Variants in COL24A1 observed in about 807,000 individuals in gnomAD.
COL24A1 encodes collagen alpha-1(XXIV) chain.
Under a neutral mutation model 253.9 loss-of-function variants are expected in COL24A1, and 224 were observed. The observed-to-expected ratio is 0.88, with a 90% CI of 0.79 to 0.99. The LOEUF (loss-of-function observed/expected upper bound fraction) is 0.99. Among genes scored for constraint, COL24A1 ranks in the 50% least tolerant of loss-of-function variants. The pLI is 0.00. For synonymous variants in COL24A1, 685 were observed against 673.7 expected, an observed-to-expected ratio of 1.02 and a Z score of -0.26; for missense variants, 2,131 against 2,068.5, an observed-to-expected ratio of 1.03 and a Z score of -0.59.
At chr1:85,878,102 C>T (rs1346448330) in intron 32 of COL24A1, among the ~76,000 whole-genome samples, 2 of 151,992 alleles carry the variant, frequency 1.3e-5, no homozygotes, top group Non-Finnish European at 2.9e-5. Flanking sequence ...ATGGATATAC[C>T]ACAGTTTGTT....
At chr1:85,856,772 T>G (rs1678483351) in intron 37 of COL24A1, among the ~76,000 whole-genome samples, 1 of 152,198 alleles carries the variant, frequency 6.6e-6, no homozygotes, top group Admixed American at 6.5e-5. Flanking sequence ...GGAGTTTGCC[T>G]GTTCAGCCTC....
intron 53 of COL24A1, among the ~76,000 whole-genome samples, chr1:85,774,726 A>T (rs1023830834): frequency 3.3e-5 from 5 of 152,036 alleles, no homozygotes; most frequent in Admixed American, 3.3e-4. Context: ...TATTCCCTTT[A>T]TCATTTTTTA....
At chr1:85,838,401 A>G (rs1233995743) in intron 43 of COL24A1, among the ~76,000 whole-genome samples, 184 bp downstream of exon 43, 3 of 152,148 alleles carry the variant, frequency 2.0e-5, no homozygotes, top group Non-Finnish European at 4.4e-5. Context: ...TGATGAGAAA[A>G]AGCAGAAGTA....
rs569544178 is a variant in COL24A1 at position 86,146,140 on chromosome 1, C to G, written c.100G>C (p.Val34Leu). The G allele has an allele frequency of 3.7e-6, 6 of 1,611,128 alleles. No homozygotes were observed. In the South Asian group the frequency reaches 6.6e-5, roughly 18 times the overall value. The change falls in exon 2 of 60, where the codon GTT becomes CTT. Residue 34 changes from valine (V) to leucine (L), a missense_variant. Val to Leu is a conservative substitution (Grantham distance 32). Coordinates refer to ENST00000370571, the MANE Select transcript of COL24A1 (RefSeq NM_152890.7). ...HFIVLCVAGV[V>L]VHAQEQGIDI... ...TTACCTTGTTCTTGTGCATGAACAACCACCCCAGCCACACATAGTACAATA... is the reference window on the plus strand; with the variant it reads ...TTACCTTGTTCTTGTGCATGAACAAGCACCCCAGCCACACATAGTACAATA...
chr1:86,041,817 T>C (rs1699510992), intron 12 of COL24A1, among the ~76,000 whole-genome samples: 1 of 152,140 alleles, frequency 6.6e-6, no homozygotes, highest in Non-Finnish European at 1.5e-5. Flanking sequence ...TAAAGGCTCC[T>C]GACCAATAAA....
intron 45 of COL24A1, among the ~76,000 whole-genome samples, chr1:85,818,835 T>C (rs1391642462): frequency 6.6e-6 from 1 of 152,190 alleles, no homozygotes; most frequent in Non-Finnish European, 1.5e-5. Flanking sequence ...TTCTCAGAAA[T>C]CATCAGAAGT....
chr1:86,125,865 A>T lies in COL24A1; in HGVS notation c.471T>A (p.Ser157Arg), dbSNP rs756498314. Residue 157 changes from serine to arginine, a missense_variant, in exon 3 of 60, where the codon AGT becomes AGA. Physicochemically the swap from Ser to Arg is moderately radical, Grantham distance 110. Coordinates refer to ENST00000370571, the MANE Select transcript of COL24A1 (RefSeq NM_152890.7). ...ATGAGTGCCATTGCTCATCATGAACACTGTAGTTGAAAACTGCAGGCTGCT... is the reference window on the plus strand; with the variant it reads ...ATGAGTGCCATTGCTCATCATGAACTCTGTAGTTGAAAACTGCAGGCTGCT... ...RGKQPAVFNYSVHDEQWHSFA... is the reference protein window; with the variant it reads ...RGKQPAVFNYRVHDEQWHSFA... 6 of 1,613,296 alleles carry T rather than the reference A, an allele frequency of 3.7e-6. No homozygotes were observed. The South Asian group carries it at 4.4e-5, about 12-fold the overall frequency.
intron 59 of COL24A1, among the ~76,000 whole-genome samples, chr1:85,732,771 T>G (rs1570374056): frequency 6.6e-6 from 1 of 152,336 alleles, no homozygotes; most frequent in Admixed American, 6.5e-5. Context: ...ACCAATAATA[T>G]ATTCTTTACA....
At chr1:86,138,937 G>T (rs1431547572) in intron 2 of COL24A1, among the ~76,000 whole-genome samples, 2 of 150,460 alleles carry the variant, frequency 1.3e-5, no homozygotes, top group Non-Finnish European at 3.0e-5. Context: ...AGTTCAAGTG[G>T]TTACCTCCCC....
intron 3 of COL24A1, 38 bp from the exon 4 acceptor site, chr1:86,115,416 G>A: frequency 6.3e-7 from 1 of 1,575,334 alleles, no homozygotes; most frequent in Non-Finnish European, 8.7e-7. Context: ...GCATGATAGT[G>A]GACACATTTA....
At chr1:85,809,591 T>C (rs533289343) in intron 47 of COL24A1, among the ~76,000 whole-genome samples, 1 of 152,096 alleles carries the variant, frequency 6.6e-6, no homozygotes, top group African/African-American at 2.4e-5. Flanking sequence ...GATAAATTGT[T>C]GTACTTTGCA....
intron 53 of COL24A1, among the ~76,000 whole-genome samples, chr1:85,770,437 C>G (rs951839531): frequency 6.6e-6 from 1 of 151,602 alleles, no homozygotes; most frequent in African/African-American, 2.4e-5. Flanking sequence ...TATTCCATGT[C>G]TGTCCTCTGT....
intron 57 of COL24A1, among the ~76,000 whole-genome samples, chr1:85,740,104 T>G (rs1664448827): frequency 6.6e-6 from 1 of 152,170 alleles, no homozygotes; most frequent in South Asian, 2.1e-4. Flanking sequence ...CATTTCACTC[T>G]ACTTGTCTTA....
At chr1:85,952,081 C>G (rs1038746931) in intron 24 of COL24A1, among the ~76,000 whole-genome samples, 23 of 151,976 alleles carry the variant, frequency 1.5e-4, no homozygotes, top group African/African-American at 5.6e-4. Context: ...AAGATAGAGT[C>G]CAAATTCAAA....
chr1:85,866,552 T>A (rs1679817502), intron 37 of COL24A1, among the ~76,000 whole-genome samples: 1 of 152,054 alleles, frequency 6.6e-6, no homozygotes, highest in Admixed American at 6.5e-5. Context: ...GTCCGGTGGA[T>A]CACTTGAGGT....
At chr1:86,030,040 C>T (rs1698416675) in intron 14 of COL24A1, 1 of 151,942 alleles carries the variant, frequency 6.6e-6, no homozygotes, top group African/African-American at 2.4e-5. Context: ...CCATCATCTG[C>T]CCTTTCAAAT....
At chr1:85,901,916 G>A (rs987410389) in intron 28 of COL24A1, among the ~76,000 whole-genome samples, 9 of 148,098 alleles carry the variant, frequency 6.1e-5, no homozygotes, top group South Asian at 2.2e-4. Context: ...ATCACATATC[G>A]AAGGGACTTT....
intron 53 of COL24A1, among the ~76,000 whole-genome samples, chr1:85,765,935 G>A (rs1019703520): frequency 1.4e-4 from 21 of 152,106 alleles, no homozygotes; most frequent in Admixed American, 1.4e-3. Flanking sequence ...ATAGAAAGTA[G>A]GAAATTTTGT....
intron 53 of COL24A1, among the ~76,000 whole-genome samples, chr1:85,766,746 C>G (rs902801896): frequency 5.3e-5 from 8 of 152,030 alleles, no homozygotes; most frequent in Admixed American, 2.6e-4. Context: ...AGGTATAAAA[C>G]TTGGTAAGGA....
Sources: allele counts gnomAD v4.1 joint callset (sites outside exome capture counted in the v4.1 genomes callset), GRCh38; gene constraint gnomAD v4.1.1; transcripts MANE v1.5; gene names NCBI Gene and HGNC (gene_info 2026-07-23, HGNC 2026-07-21).